Variants in CPSF4L observed in about 807,000 individuals in gnomAD.
CPSF4L encodes the protein cleavage and polyadenylation specific factor 4 like, also known as putative cleavage and polyadenylation specificity factor subunit 4-like protein.
A neutral mutation model predicts 24.0 loss-of-function variants in CPSF4L; 18 were observed. The observed-to-expected ratio is 0.75, with a 90% CI of 0.52 to 1.11. The LOEUF (loss-of-function observed/expected upper bound fraction) is 1.11. CPSF4L is among the 50% of genes least tolerant of loss of function. The pLI, the probability that CPSF4L is intolerant of heterozygous loss-of-function variation, is 0.00. For synonymous variants in CPSF4L, 72 were observed against 77.2 expected, an observed-to-expected ratio of 0.93 and a Z score of 0.35; for missense variants, 211 against 221.8, an observed-to-expected ratio of 0.95 and a Z score of 0.31.
Position 73,261,807 on chromosome 17 carries a change from G to A in CPSF4L, c.12C>T (p.Val4=). ...AGGTGAACCGCTCTAGCCCCGCAATGACCTCTTGCATCTTCCGTCTCCTGC... is the reference window on the plus strand; with the variant it reads ...AGGTGAACCGCTCTAGCCCCGCAATAACCTCTTGCATCTTCCGTCTCCTGC... MQE[V]IAGLERFTFA... The change falls in exon 1 of 6, where the codon GTC becomes GTT. Residue 4 remains valine, a synonymous_variant. Transcript: ENST00000344935. 3 of 1,551,574 alleles carry A rather than the reference G, an allele frequency of 1.9e-6. No individual in the cohort carries two copies. Among genetic ancestry groups the A allele is most frequent in the Non-Finnish European group, 2.6e-6 (3 of 1,146,826 alleles).
chr17:73,248,427 A>AT, downstream of CPSF4L: 2 of 1,333,856 alleles, frequency 1.5e-6, no homozygotes. Context: ...CTGCAGAAGG[A>AT]GGGGGTAAAA....
the CPSF4L span, chr17:73,242,241 T>C: frequency 1.7e-5 from 26 of 1,569,520 alleles, no homozygotes; most frequent in Admixed American, 2.3e-4. Context: ...TTTGGAACCA[T>C]AGTTTCTTTG....
chr17:73,242,839 G>A, the CPSF4L span: 22 of 1,403,084 alleles, frequency 1.6e-5, no homozygotes, highest in Middle Eastern at 2.3e-4. Flanking sequence ...AATGACTCGC[G>A]GATACTGGCC....
At chr17:73,243,077 A>ATTTTTTTTTTTC in the CPSF4L span, 97 of 438,556 alleles carry the variant, frequency 2.2e-4, no homozygotes, top group African/African-American at 2.5e-3. Flanking sequence ...GATTCTCTGA[A>ATTTTTTTTTTTC]TTTTTTTTTT....
rs115807965 is a variant in CPSF4L, at chr17:73,254,449, C to T, written c.308-423G>A. 6.5e-3 allele frequency among the ~76,000 whole-genome samples: 988 copies of T among 152,298 alleles called. 16 individuals carry two copies. Among genetic ancestry groups the T allele is most frequent in the African/African-American group, 0.023 (938 of 41,568 alleles). On this transcript the variant is annotated intron_variant, in intron 3 of 5. Transcript: ENST00000344935. ...CCTGCAGAGCCTAGGGAAGCTGTTCCCCTTGGTGGAAATGCAAAGAAAAGC... is the reference window on the plus strand; with the variant it reads ...CCTGCAGAGCCTAGGGAAGCTGTTCTCCTTGGTGGAAATGCAAAGAAAAGC...
downstream of CPSF4L, chr17:73,248,324 C>T (rs1423179670): frequency 1.6e-6 from 1 of 641,132 alleles, no homozygotes; most frequent in Non-Finnish European, 2.8e-6. Flanking sequence ...GGTAACTACT[C>T]ATCTCTTCAC....
At chr17:73,242,909 C>A in the CPSF4L span, 1 of 1,613,558 alleles carries the variant, frequency 6.2e-7, no homozygotes, top group East Asian at 2.2e-5. Context: ...GGATCAGGTG[C>A]AACACCACCA....
chr17:73,249,245 C>CTA (rs1568330216), intron 5 of CPSF4L, among the ~76,000 whole-genome samples: 3 of 152,180 alleles, frequency 2.0e-5, no homozygotes, highest in African/African-American at 7.2e-5. Context: ...AAGAGAGGCC[C>CTA]TACTGCAATC....
At chr17:73,248,446 C>G, downstream of CPSF4L, 1 of 1,519,472 alleles carries the variant, frequency 6.6e-7, no homozygotes, top group Non-Finnish European at 8.9e-7. Context: ...AAGTCGTGTT[C>G]TGCCCTGTCT....
intron 5 of CPSF4L, chr17:73,249,649 C>T (rs1164843514): frequency 6.6e-6 from 1 of 152,214 alleles, no homozygotes; most frequent in African/African-American, 2.4e-5. Context: ...CCACTACCCC[C>T]CCTTTCCCAG....
intron 5 of CPSF4L, chr17:73,251,068 T>TAGGAGGTGCTG: frequency 6.5e-7 from 1 of 1,549,338 alleles, no homozygotes; most frequent in Non-Finnish European, 8.7e-7. Flanking sequence ...ACAGCAGAAA[T>TAGGAGGTGCTG]AGGAGGTGCT....
chr17:73,248,430 G>T, downstream of CPSF4L: 1 of 1,364,888 alleles, frequency 7.3e-7, no homozygotes, highest in Non-Finnish European at 1.0e-6. Flanking sequence ...CAGAAGGAGG[G>T]GGTAAAAGTC....
chr17:73,251,707 C>T (rs1315703898), intron 5 of CPSF4L, among the ~76,000 whole-genome samples: 1 of 152,232 alleles, frequency 6.6e-6, no homozygotes, highest in Admixed American at 6.5e-5. Flanking sequence ...TTTTTACAAA[C>T]CATTCTTAGC....
intron 5 of CPSF4L, 45 bp downstream of exon 5, chr17:73,252,585 G>A: frequency 8.3e-7 from 1 of 1,204,128 alleles, no homozygotes; most frequent in Non-Finnish European, 1.2e-6. Flanking sequence ...AGAAGGCCAG[G>A]CCTAGCACTC....
chr17:73,250,692 A>G lies in CPSF4L; in HGVS notation c.497+1938T>C, dbSNP rs562903251. On this transcript the variant is annotated intron_variant, in intron 5 of 5. Transcript: ENST00000344935. ...ACCAGGTGATACGTTCCCTCCCTTA[A>G]CCATACTCTGCCCTCCTGCCAAAGA... Among the ~76,000 whole-genome samples the G allele has an allele frequency of 2.0e-5, 3 of 152,274 alleles. No individual in the cohort carries two copies. The East Asian group carries it at 5.8e-4, about 29-fold the overall frequency.
chr17:73,262,492 G>A (rs1367498377), upstream of CPSF4L: 2 of 152,348 alleles, frequency 1.3e-5, no homozygotes, highest in African/African-American at 4.8e-5. Context: ...TGGCGGGAGG[G>A]CGGAACCGAC....
At chr17:73,242,984 C>G in the CPSF4L span, 8 of 1,613,474 alleles carry the variant, frequency 5.0e-6, no homozygotes, top group Non-Finnish European at 5.1e-6. Flanking sequence ...TGTGTTGTAG[C>G]TGGAGTTTCA....
In CPSF4L at chr17:73,254,041, ACT is replaced by A. The variant is rs1351925672; in HGVS notation, c.308-17_308-16del. On this transcript the variant is annotated splice_polypyrimidine_tract_variant and intron_variant, in intron 3 of 5. Transcript: ENST00000344935. The stretch of plus-strand genomic sequence containing the variant: ...GCTGCAGTCACCTGAAAATCCCAGC[ACT>A]CTCTGTAGAAGCAGTTTCTCTTTGT... 6.5e-7 allele frequency: 1 copy of A among 1,544,270 alleles called. No individual in the cohort carries two copies. Among genetic ancestry groups the A allele is most frequent in the Non-Finnish European group, 8.8e-7 (1 of 1,140,494 alleles).
chr17:73,251,359 A>G (rs918809843), intron 5 of CPSF4L, among the ~76,000 whole-genome samples: 1 of 152,160 alleles, frequency 6.6e-6, no homozygotes, highest in Non-Finnish European at 1.5e-5. Flanking sequence ...CAGAACCAGC[A>G]GGGACTGTCT....
Sources: gnomAD v4.1 joint callset for allele counts (sites outside exome capture counted in the v4.1 genomes callset) on GRCh38, gnomAD v4.1.1 for gene constraint, MANE v1.5 for transcripts, NCBI Gene and HGNC (gene_info 2026-07-23, HGNC 2026-07-21) for gene names.